ASAP1: variants seen among roughly 807,000 people sequenced by gnomAD.
ASAP1 encodes the protein arf-GAP with SH3 domain, ANK repeat and PH domain-containing protein 1.
In ASAP1, 43 loss-of-function variants were observed where a neutral mutation model predicts 145.2. The ratio of observed to expected loss-of-function variants is 0.30; its 90% CI spans 0.23 to 0.38. ASAP1 has a LOEUF of 0.38. Ranked by LOEUF, ASAP1 falls within the 10% of genes least tolerant of loss-of-function variation. ASAP1 has a pLI of 1.00. For synonymous variants in ASAP1, 546 were observed against 515.5 expected (o/e 1.06, Z -0.80); for missense variants, 1,018 against 1,355.3 (o/e 0.75, Z 3.91).
intron 3 of ASAP1, among the ~76,000 whole-genome samples, chr8:130,344,858 G>A (rs1825611174): frequency 6.6e-6 from 1 of 152,168 alleles, no homozygotes; most frequent in African/African-American, 2.4e-5. Context: ...GGGGAGGTGG[G>A]GAGGAAGGAG....
intron 3 of ASAP1, among the ~76,000 whole-genome samples, chr8:130,352,219 T>TTTG (rs1826038096): frequency 6.6e-6 from 1 of 151,040 alleles, no homozygotes; most frequent in African/African-American, 2.4e-5. Context: ...AGGGTTTTTT[T>TTTG]TTTTTTTTTT....
intron 3 of ASAP1, among the ~76,000 whole-genome samples, chr8:130,286,990 C>G (rs1409940295): frequency 2.0e-5 from 3 of 151,934 alleles, no homozygotes; most frequent in Admixed American, 2.0e-4. Context: ...CGAATGAGCA[C>G]AATTTGAGGG....
intron 1 of ASAP1, among the ~76,000 whole-genome samples, chr8:130,414,483 C>T (rs1829393259): frequency 6.6e-6 from 1 of 152,194 alleles, no homozygotes; most frequent in Non-Finnish European, 1.5e-5. Flanking sequence ...CTTGGACAAG[C>T]CACCTTACCT....
intron 1 of ASAP1, among the ~76,000 whole-genome samples, chr8:130,426,233 G>A (rs1250193053): frequency 6.6e-6 from 1 of 152,076 alleles, no homozygotes; most frequent in Non-Finnish European, 1.5e-5. Flanking sequence ...CGCCATGTAA[G>A]ATGTACCTGC....
intron 3 of ASAP1, among the ~76,000 whole-genome samples, chr8:130,253,349 T>C (rs1297063749): frequency 6.6e-6 from 1 of 152,194 alleles, no homozygotes; most frequent in Non-Finnish European, 1.5e-5. Context: ...TAAAGTGCCT[T>C]AGAATGGTAC....
intron 1 of ASAP1, among the ~76,000 whole-genome samples, chr8:130,443,176 T>C (rs1356336995): frequency 6.6e-6 from 1 of 151,602 alleles, no homozygotes; most frequent in Non-Finnish European, 1.5e-5. Context: ...CCGGCCCCAC[T>C]GCAGGGGCCC....
At chr8:130,433,480 C>T (rs112994301) in intron 1 of ASAP1, among the ~76,000 whole-genome samples, 2,312 of 152,342 alleles carry the variant, frequency 0.015, 33 homozygotes, top group Middle Eastern at 0.031. Context: ...ACAGCTATGA[C>T]TGTTCCTTGG....
intron 5 of ASAP1, among the ~76,000 whole-genome samples, chr8:130,210,138 A>G (rs1177257701): frequency 6.6e-6 from 1 of 152,198 alleles, no homozygotes; most frequent in Non-Finnish European, 1.5e-5. Context: ...ACAGATCTGT[A>G]TGAGGCCTTA....
At chr8:130,415,614 C>G (rs144469993) in intron 1 of ASAP1, among the ~76,000 whole-genome samples, 6,531 of 152,158 alleles carry the variant, frequency 0.043, 241 homozygotes, top group African/African-American at 0.099. Context: ...ATGGTGAAAC[C>G]CCATTTCTAC....
At chr8:130,327,921 G>A (rs1425810042) in intron 3 of ASAP1, among the ~76,000 whole-genome samples, 1 of 152,130 alleles carries the variant, frequency 6.6e-6, no homozygotes, top group African/African-American at 2.4e-5. Context: ...TTTTTTAAAT[G>A]ATGGTTTGGT....
intron 1 of ASAP1, among the ~76,000 whole-genome samples, chr8:130,406,365 G>A (rs954516701): frequency 6.6e-6 from 1 of 152,042 alleles, no homozygotes; most frequent in African/African-American, 2.4e-5. Context: ...GCCAGATCCT[G>A]TACTCTAACA....
intron 9 of ASAP1, among the ~76,000 whole-genome samples, chr8:130,171,794 C>T (rs1813614038): frequency 6.6e-6 from 1 of 152,206 alleles, no homozygotes; most frequent in Admixed American, 6.5e-5. Context: ...ATGTTCTGCA[C>T]AGAGCAGGCC....
At chr8:130,157,057 G>A (rs545965833) in intron 12 of ASAP1, among the ~76,000 whole-genome samples, 7 of 152,248 alleles carry the variant, frequency 4.6e-5, no homozygotes, top group African/African-American at 1.4e-4. Context: ...TTAACTTTTC[G>A]TTTGATGACA....
At chr8:130,268,499 A>ACACG (rs1820396294) in intron 3 of ASAP1, among the ~76,000 whole-genome samples, 1 of 126,122 alleles carries the variant, frequency 7.9e-6, no homozygotes, top group East Asian at 2.0e-4. Flanking sequence ...AAACACACAC[A>ACACG]CACACACACA....
intron 13 of ASAP1, among the ~76,000 whole-genome samples, chr8:130,146,203 C>T (rs975418785): frequency 3.9e-5 from 6 of 152,044 alleles, no homozygotes; most frequent in African/African-American, 1.4e-4. Flanking sequence ...GGTAACATCA[C>T]AGCTGATGTC....
chr8:130,412,670 G>A (rs1439050173), intron 1 of ASAP1, among the ~76,000 whole-genome samples: 2 of 138,442 alleles, frequency 1.4e-5, no homozygotes, highest in Admixed American at 7.3e-5. Context: ...TTTTTTTTTT[G>A]AAATGGAGTC....
At chr8:130,259,819 G>A (rs1819784228) in intron 3 of ASAP1, among the ~76,000 whole-genome samples, 1 of 152,166 alleles carries the variant, frequency 6.6e-6, no homozygotes, top group South Asian at 2.1e-4. Flanking sequence ...CACACATACA[G>A]GCCAAGAGTT....
chr8:130,282,661 G>A (rs1295105087), intron 3 of ASAP1, among the ~76,000 whole-genome samples: 1 of 152,124 alleles, frequency 6.6e-6, no homozygotes, highest in Non-Finnish European at 1.5e-5. Flanking sequence ...TCACTGATTT[G>A]GCAATTACCC....
chr8:130,443,143 A>AC (rs1332332544), intron 1 of ASAP1, among the ~76,000 whole-genome samples: 1 of 151,496 alleles, frequency 6.6e-6, no homozygotes, highest in Non-Finnish European at 1.5e-5. Context: ...GGGACGCGAA[A>AC]CCCCCCAGGG....
Sources: gnomAD v4.1 joint callset for allele counts (sites outside exome capture counted in the v4.1 genomes callset) on GRCh38, gnomAD v4.1.1 for gene constraint, MANE v1.5 for transcripts, NCBI Gene and HGNC (gene_info 2026-07-23, HGNC 2026-07-21) for gene names.